The following WDFY4 variants were observed in gnomAD, a reference collection of about 807,000 sequenced individuals.
The protein encoded by WDFY4 is WDFY family member 4, also known as WD repeat- and FYVE domain-containing protein 4.
WDFY4 carries 169 observed loss-of-function variants against 351.9 expected under a neutral mutation model. The ratio of observed to expected loss-of-function variants is 0.48; its 90% CI spans 0.42 to 0.55. The LOEUF is 0.55. Among genes scored for constraint, WDFY4 ranks in the 20% least tolerant of loss-of-function variants. The pLI is 0.00. For missense variants in WDFY4, 3,803 were observed against 3,935.6 expected, an observed-to-expected ratio of 0.97 and a Z score of 0.90; for synonymous variants, 1,622 against 1,574.6, an observed-to-expected ratio of 1.03 and a Z score of -0.71.
rs1434608464 is a variant in WDFY4, at chr10:48,803,379, C to T, written c.4484+20C>T. On this transcript the variant is annotated intron_variant, in intron 25 of 61. Coordinates refer to ENST00000325239, the MANE Select transcript of WDFY4 (RefSeq NM_001394531.1). Reference sequence around the variant, plus strand: ...ACCAAGGTAGGCTGGGTCTTGGCAGCCTGGGGGTTAGAACTGAAGGCTGAA... The same window carrying T: ...ACCAAGGTAGGCTGGGTCTTGGCAGTCTGGGGGTTAGAACTGAAGGCTGAA... 5 of 1,551,262 alleles carry T rather than the reference C, an allele frequency of 3.2e-6. No individual in the cohort carries two copies. In the East Asian group the frequency reaches 1.2e-4, roughly 38 times the overall value.
chr10:48,785,203 A>G (rs576475084), intron 19 of WDFY4, among the ~76,000 whole-genome samples: 1 of 152,096 alleles, frequency 6.6e-6, no homozygotes, highest in Non-Finnish European at 1.5e-5. Context: ...TAAAATGTAT[A>G]CATATATGTG....
At chr10:48,736,101 T>C in intron 11 of WDFY4, 31 bp downstream of exon 11, 1 of 1,551,264 alleles carries the variant, frequency 6.4e-7, no homozygotes, top group Non-Finnish European at 8.7e-7. Context: ...GAGATTGGCT[T>C]CCCTGTGGAT....
intron 57 of WDFY4, among the ~76,000 whole-genome samples, chr10:48,973,601 C>T (rs958450467): frequency 3.3e-5 from 5 of 152,256 alleles, no homozygotes; most frequent in Non-Finnish European, 7.3e-5. Flanking sequence ...CGTGCCCCTC[C>T]GGCTGAGTCC....
chr10:48,949,652 G>T (rs948642195), intron 51 of WDFY4, among the ~76,000 whole-genome samples: 3 of 152,168 alleles, frequency 2.0e-5, no homozygotes, highest in Admixed American at 2.0e-4. Context: ...AGAGACGTGG[G>T]GAGGCTGTGG....
At chr10:48,844,294 G>A (rs1403054277) in intron 39 of WDFY4, among the ~76,000 whole-genome samples, 2 of 152,128 alleles carry the variant, frequency 1.3e-5, no homozygotes, top group Non-Finnish European at 2.9e-5. Flanking sequence ...GACAGCAGAA[G>A]AAAGCACTGA....
At chr10:48,712,136 A>C (rs768451059) in intron 2 of WDFY4, among the ~76,000 whole-genome samples, 1 of 152,246 alleles carries the variant, frequency 6.6e-6, no homozygotes, top group Non-Finnish European at 1.5e-5. Context: ...TTCTAGTCAA[A>C]CAGATCAAGG....
At chr10:48,799,752 G>T (rs373320290) in intron 24 of WDFY4, among the ~76,000 whole-genome samples, 1 of 152,334 alleles carries the variant, frequency 6.6e-6, no homozygotes, top group Non-Finnish European at 1.5e-5. Flanking sequence ...CAGCCTGGGC[G>T]ACAAGAGCGA....
intron 39 of WDFY4, among the ~76,000 whole-genome samples, chr10:48,840,861 G>A (rs2068580688): frequency 6.6e-6 from 1 of 152,134 alleles, no homozygotes. Flanking sequence ...AATGAACAAA[G>A]CAAACACTGA....
chr10:48,830,642 C>G, intron 37 of WDFY4, 58 bp from the exon 38 acceptor site: 1 of 1,507,710 alleles, frequency 6.6e-7, no homozygotes, highest in Non-Finnish European at 9.0e-7. Flanking sequence ...CATCTCCCAG[C>G]CCTCTCTGGG....
At chr10:48,777,164 A>G (rs971210975) in intron 16 of WDFY4, among the ~76,000 whole-genome samples, 180 bp downstream of exon 16, 1 of 152,174 alleles carries the variant, frequency 6.6e-6, no homozygotes, top group African/African-American at 2.4e-5. Context: ...GTCCCCAGCT[A>G]TGGAGGGCCA....
Position 48,777,507 on chromosome 10 carries a change from T to A in WDFY4, c.3175+12T>A, listed in dbSNP as rs1194724349. The A allele has an allele frequency of 6.4e-7, 1 of 1,551,238 alleles. No individual in the cohort carries two copies. Among genetic ancestry groups the A allele is most frequent in the Non-Finnish European group, 8.7e-7 (1 of 1,146,536 alleles). ...AGGAATTGGGACAGGTAGGTGTTTT[T>A]CCCAGATGGTTTAGCTCTCCATCCC... is the stretch of plus-strand genomic sequence containing the variant. On this transcript the variant is annotated intron_variant, in intron 17 of 61. Transcript: ENST00000325239.
intron 1 of WDFY4, among the ~76,000 whole-genome samples, chr10:48,702,775 G>T (rs1233136860): frequency 6.7e-6 from 1 of 149,312 alleles, no homozygotes; most frequent in South Asian, 2.1e-4. Flanking sequence ...AATTCCTGGG[G>T]GTATGTTTAA....
At chr10:48,873,895 G>A (rs1437505767) in intron 41 of WDFY4, among the ~76,000 whole-genome samples, 198 bp downstream of exon 41, 1 of 152,196 alleles carries the variant, frequency 6.6e-6, no homozygotes, top group Admixed American at 6.5e-5. Flanking sequence ...GTACATAGCA[G>A]GGACACTGTA....
At chr10:48,866,805 ATT>A (rs1461594371) in intron 39 of WDFY4, among the ~76,000 whole-genome samples, 11 of 152,220 alleles carry the variant, frequency 7.2e-5, no homozygotes, top group Non-Finnish European at 1.6e-4. Flanking sequence ...TGACGCCTGT[ATT>A]TATATGAATC....
intron 20 of WDFY4, 112 bp downstream of exon 20, chr10:48,786,982 A>T: frequency 6.0e-6 from 5 of 839,656 alleles, no homozygotes; most frequent in Non-Finnish European, 9.3e-6. Flanking sequence ...GTCAGTCATT[A>T]GGGAAGACCT....
At chr10:48,971,756 C>T (rs1667895568) in intron 57 of WDFY4, among the ~76,000 whole-genome samples, 1 of 152,148 alleles carries the variant, frequency 6.6e-6, no homozygotes, top group Non-Finnish European at 1.5e-5. Context: ...AAGGGGCTGA[C>T]ACATATGCAG....
chr10:48,729,874 C>T (rs2064398453), intron 8 of WDFY4, among the ~76,000 whole-genome samples: 1 of 152,208 alleles, frequency 6.6e-6, no homozygotes, highest in African/African-American at 2.4e-5. Context: ...GGACTGATGG[C>T]CCTAAAACAG....
At chr10:48,781,653 C>A (rs536037778) in intron 19 of WDFY4, among the ~76,000 whole-genome samples, 15 of 152,278 alleles carry the variant, frequency 9.9e-5, no homozygotes, top group Non-Finnish European at 1.9e-4. Flanking sequence ...ACATAGTTAA[C>A]CTTTTCTGCA....
intron 40 of WDFY4, among the ~76,000 whole-genome samples, chr10:48,872,715 G>T (rs1437807890): frequency 1.3e-5 from 2 of 152,172 alleles, no homozygotes; most frequent in African/African-American, 2.4e-5. Context: ...TGCAGGTTGG[G>T]GGTATCTATG....
Sources: gnomAD v4.1 joint callset for allele counts (sites outside exome capture counted in the v4.1 genomes callset) on GRCh38, gnomAD v4.1.1 for gene constraint, MANE v1.5 for transcripts, NCBI Gene and HGNC (gene_info 2026-07-23, HGNC 2026-07-21) for gene names.